Variants in ITPR1 observed in about 807,000 individuals in gnomAD.
The protein encoded by ITPR1 is inositol 1,4,5-trisphosphate-gated calcium channel ITPR1.
ITPR1 carries 96 observed loss-of-function variants against 318.4 expected under a neutral mutation model. The ratio of observed to expected loss-of-function variants is 0.30; its 90% CI spans 0.26 to 0.36. ITPR1 has a LOEUF of 0.36. Among genes scored for constraint, ITPR1 ranks in the 10% least tolerant of loss-of-function variants. The probability of loss-of-function intolerance (pLI) is 1.00; values close to 1 mark genes in which losing one functional copy is unlikely to be tolerated. For synonymous variants in ITPR1, 1,312 were observed against 1,289.9 expected, an observed-to-expected ratio of 1.02 and a Z score of -0.37; for missense variants, 2,440 against 3,460.2, an observed-to-expected ratio of 0.71 and a Z score of 7.40.
At position 4,690,359 on chromosome 3, in the gene ITPR1, A is replaced by T. The variant is rs116574177; in HGVS notation, c.3829-785A>T. ...GGAGAGGATATCCAAATGGCCAGTAAATGTGACAAAGTGTTCAACATGATT... is the reference window on the plus strand; with the variant it reads ...GGAGAGGATATCCAAATGGCCAGTATATGTGACAAAGTGTTCAACATGATT... On this transcript the variant is annotated intron_variant, in intron 31 of 61. Coordinates refer to ENST00000649015, the MANE Select transcript of ITPR1 (RefSeq NM_001378452.1). Among the ~76,000 whole-genome samples, 553 of 152,320 alleles carry T rather than the reference A, an allele frequency of 3.6e-3. 5 individuals carry two copies. The highest frequency in any genetic ancestry group is 0.012 in the African/African-American group (503 of 41,564).
intron 54 of ITPR1, among the ~76,000 whole-genome samples, chr3:4,805,187 G>C (rs1253186457): frequency 2.0e-5 from 3 of 152,224 alleles, no homozygotes; most frequent in Non-Finnish European, 4.4e-5. Flanking sequence ...AGGCACAGCT[G>C]ATACAGGGGC....
At chr3:4,618,080 T>A (rs1238778126) in intron 4 of ITPR1, among the ~76,000 whole-genome samples, 3 of 152,048 alleles carry the variant, frequency 2.0e-5, no homozygotes, top group Non-Finnish European at 2.9e-5. Context: ...ATTAACTGCT[T>A]AATAGGTACA....
chr3:4,687,376 T>G (rs938356163), intron 30 of ITPR1, among the ~76,000 whole-genome samples: 2 of 152,184 alleles, frequency 1.3e-5, no homozygotes, highest in Non-Finnish European at 2.9e-5. Flanking sequence ...TCACATGAAG[T>G]GTGCACTTTT....
intron 5 of ITPR1, among the ~76,000 whole-genome samples, chr3:4,637,155 A>G (rs949921197): frequency 3.3e-5 from 5 of 152,258 alleles, no homozygotes; most frequent in Admixed American, 6.5e-5. Flanking sequence ...GAGAAAAACC[A>G]TATTTGCATG....
chr3:4,507,975 C>G (rs749345023), intron 2 of ITPR1, among the ~76,000 whole-genome samples: 1 of 152,028 alleles, frequency 6.6e-6, no homozygotes, highest in African/African-American at 2.4e-5. Context: ...TGTCTTGGGT[C>G]AGTGATATAT....
chr3:4,847,104 T>C lies in ITPR1; in HGVS notation c.*879T>C, dbSNP rs1428879075. 6.6e-6 allele frequency: 1 copy of C among 152,670 alleles called. No homozygotes were observed. Among genetic ancestry groups the C allele is most frequent in the East Asian group, 1.9e-4 (1 of 5,204 alleles). The allele number at this position is 152,670 out of a possible 1,614,324, so 9.5% of individuals were successfully genotyped here. ...AAAGACATGCATAATTGATGGTTTC[T>C]AGATTATCTAGTCCAAACAATAGAG... On this transcript the variant is annotated 3_prime_UTR_variant, in exon 62 of 62. Coordinates refer to ENST00000649015, the MANE Select transcript of ITPR1 (RefSeq NM_001378452.1).
At chr3:4,777,238 G>A (rs1432213897) in intron 47 of ITPR1, 26 bp from the exon 48 acceptor site, 3 of 1,400,264 alleles carry the variant, frequency 2.1e-6, no homozygotes, top group South Asian at 1.2e-5. Context: ...GCGTTTGTGT[G>A]AATGTCTGTG....
chr3:4,799,520 G>T (rs1319255512), intron 53 of ITPR1, among the ~76,000 whole-genome samples: 1 of 152,186 alleles, frequency 6.6e-6, no homozygotes, highest in Non-Finnish European at 1.5e-5. Flanking sequence ...CCCCAGTGGT[G>T]CCACAATCCA....
At chr3:4,827,169 C>T (rs1421770874) in intron 60 of ITPR1, among the ~76,000 whole-genome samples, 86 of 152,350 alleles carry the variant, frequency 5.6e-4, no homozygotes, top group Non-Finnish European at 2.1e-4. Flanking sequence ...ACCGCCCATA[C>T]CCTGACCCAC....
rs555753465 is a variant in ITPR1, at chr3:4,612,924, G to C, written c.164-14839G>C. Among the ~76,000 whole-genome samples the C allele has an allele frequency of 1.6e-4, 25 of 152,298 alleles. 2 individuals are homozygous for C. Among genetic ancestry groups the C allele is most frequent in the African/African-American group, 5.8e-4 (24 of 41,566 alleles). On this transcript the variant is annotated intron_variant, in intron 4 of 61. Coordinates refer to ENST00000649015, the MANE Select transcript of ITPR1 (RefSeq NM_001378452.1). ...AGTAACAAAACTGCTGCTTATTAAT[G>C]TTTTAAAGCTGTCTGGATATGTGAA... is the stretch of plus-strand genomic sequence containing the variant.
chr3:4,685,606 G>A (rs2094379597), intron 30 of ITPR1, among the ~76,000 whole-genome samples: 1 of 152,214 alleles, frequency 6.6e-6, no homozygotes, highest in African/African-American at 2.4e-5. Context: ...CATGGGATGT[G>A]CCCACTTTTG....
rs115000957 is a variant in ITPR1, at chr3:4,798,033, G to A, written c.6932-2392G>A. Among the ~76,000 whole-genome samples, 682 of 152,242 alleles carry A rather than the reference G, an allele frequency of 4.5e-3. 5 individuals are homozygous for A. The highest frequency in any genetic ancestry group is 0.015 in the African/African-American group (632 of 41,524). On this transcript the variant is annotated intron_variant, in intron 53 of 61. Transcript: ENST00000649015. ...TAGCACTATGTTTTTTAACACTGCCGTTATAGTGAGGAGACAGCATTTTTA... is the reference window on the plus strand; with the variant it reads ...TAGCACTATGTTTTTTAACACTGCCATTATAGTGAGGAGACAGCATTTTTA...
Position 4,627,779 on chromosome 3 carries a change from A to G in ITPR1, c.180A>G (p.Leu60=), listed in dbSNP as rs543538622. The change falls in exon 5 of 62, where the codon CTA becomes CTG. Residue 60 remains leucine, a synonymous_variant. Coordinates refer to ENST00000649015, the MANE Select transcript of ITPR1 (RefSeq NM_001378452.1). Reference sequence around the variant, plus strand: ...CACTTCTAGACTGCCTCTTTAAGCTATGTCCCATGAACCGCTACTCTGCCC... The same window carrying G: ...CACTTCTAGACTGCCTCTTTAAGCTGTGTCCCATGAACCGCTACTCTGCCC... ...PKKFRDCLFK[L]CPMNRYSAQK... is the part of the protein sequence containing the mutation. The G allele has an allele frequency of 1.9e-5, 30 of 1,612,672 alleles. No individual in the cohort carries two copies. The South Asian group carries it at 3.3e-4, about 18-fold the overall frequency.
At position 4,755,141 on chromosome 3, in the gene ITPR1, T is replaced by G. The variant is rs997838849; in HGVS notation, c.5545-11389T>G. ...GGTTGCCAGTAGCCTGCCTACACCA[T>G]CAGGGGCTTCCTACGATAATACCTT... On this transcript the variant is annotated intron_variant, in intron 44 of 61. Transcript: ENST00000649015. Among the ~76,000 whole-genome samples the G allele has an allele frequency of 1.1e-4, 16 of 151,498 alleles. No homozygotes were observed. The East Asian group carries it at 2.9e-3, about 27-fold the overall frequency.
chr3:4,603,468 C>T (rs770623888), intron 4 of ITPR1, among the ~76,000 whole-genome samples: 2 of 152,024 alleles, frequency 1.3e-5, no homozygotes, highest in Non-Finnish European at 2.9e-5. Context: ...CTCCTTCTGT[C>T]ACCCAGGCTG....
intron 39 of ITPR1, among the ~76,000 whole-genome samples, chr3:4,713,737 T>C (rs575142267): frequency 3.3e-4 from 51 of 152,350 alleles, no homozygotes; most frequent in Non-Finnish European, 5.7e-4. Flanking sequence ...TTGTAGAGGT[T>C]CCTGGGGTCT....
intron 42 of ITPR1, among the ~76,000 whole-genome samples, chr3:4,730,396 TG>T (rs1559788419): frequency 1.7e-4 from 25 of 145,352 alleles, no homozygotes; most frequent in Middle Eastern, 3.4e-3. Context: ...TGTGTGTGTG[TG>T]TGTGTGTGTG....
At chr3:4,636,136 C>T (rs938009921) in intron 5 of ITPR1, among the ~76,000 whole-genome samples, 11 of 151,976 alleles carry the variant, frequency 7.2e-5, no homozygotes, top group East Asian at 1.9e-4. Context: ...CATGAGCCAC[C>T]GCGCCTAGCC....
At chr3:4,796,770 C>T (rs1216457427) in intron 53 of ITPR1, among the ~76,000 whole-genome samples, 2 of 152,158 alleles carry the variant, frequency 1.3e-5, no homozygotes, top group East Asian at 3.9e-4. Context: ...GCTCCTGCCG[C>T]CCATTTGCCA....
Sources: gnomAD v4.1 joint callset for allele counts (sites outside exome capture counted in the v4.1 genomes callset) on GRCh38, gnomAD v4.1.1 for gene constraint, MANE v1.5 for transcripts, NCBI Gene and HGNC (gene_info 2026-07-23, HGNC 2026-07-21) for gene names.